Variants in KALRN observed in about 807,000 individuals in gnomAD.
KALRN encodes the protein kalirin.
KALRN carries 70 observed loss-of-function variants against 353.7 expected under a neutral mutation model. The observed-to-expected ratio is 0.20, with a 90% CI of 0.16 to 0.24. The LOEUF (loss-of-function observed/expected upper bound fraction) is 0.24, where lower values mean the gene tolerates loss of function less well. Among genes scored for constraint, KALRN ranks in the 10% least tolerant of loss-of-function variants. The pLI is 1.00. For missense variants in KALRN, 2,791 were observed against 3,756.7 expected, an observed-to-expected ratio of 0.74 and a Z score of 6.72; for synonymous variants, 1,391 against 1,434.8, an observed-to-expected ratio of 0.97 and a Z score of 0.69.
chr3:124,273,944 C>T (rs1160606179), intron 5 of KALRN, among the ~76,000 whole-genome samples: 1 of 152,196 alleles, frequency 6.6e-6, no homozygotes, highest in East Asian at 1.9e-4. Context: ...ATCTGGCCAC[C>T]CCTCCAGTTG....
At chr3:124,524,482 T>C (rs1281529950) in intron 33 of KALRN, among the ~76,000 whole-genome samples, 3 of 152,212 alleles carry the variant, frequency 2.0e-5, no homozygotes, top group Non-Finnish European at 4.4e-5. Context: ...AAGTTTCATA[T>C]TGATGAAAGA....
chr3:124,047,939 G>A (rs972393529), intron 1 of KALRN, among the ~76,000 whole-genome samples: 1 of 152,130 alleles, frequency 6.6e-6, no homozygotes, highest in East Asian at 1.9e-4. Context: ...GAGAGAACCC[G>A]TTTGCTGATA....
intron 38 of KALRN, 147 bp downstream of exon 38, chr3:124,651,085 C>CCTG: frequency 5.2e-6 from 5 of 966,010 alleles, no homozygotes; most frequent in South Asian, 2.0e-5. Context: ...CAGCATAGCA[C>CCTG]TGATAAACAT....
chr3:124,179,841 C>T (rs1236305439), intron 1 of KALRN, among the ~76,000 whole-genome samples: 1 of 152,194 alleles, frequency 6.6e-6, no homozygotes, highest in Non-Finnish European at 1.5e-5. Context: ...TATGGTCTCT[C>T]TTACTCTAAT....
intron 33 of KALRN, among the ~76,000 whole-genome samples, chr3:124,511,466 G>T (rs923137086): frequency 6.6e-6 from 1 of 152,142 alleles, no homozygotes; most frequent in African/African-American, 2.4e-5. Flanking sequence ...TCTTGCTCAA[G>T]TGACTTCCAC....
At chr3:124,047,317 T>C (rs927542634) in intron 1 of KALRN, among the ~76,000 whole-genome samples, 2 of 152,194 alleles carry the variant, frequency 1.3e-5, no homozygotes, top group African/African-American at 2.4e-5. Context: ...TTTATAGTCT[T>C]GTTGAATTAG....
At chr3:124,226,891 T>C (rs1392930378) in intron 1 of KALRN, among the ~76,000 whole-genome samples, 1 of 152,206 alleles carries the variant, frequency 6.6e-6, no homozygotes, top group Admixed American at 6.5e-5. Flanking sequence ...TTCTGCTCTC[T>C]GAGCTGACAT....
At chr3:124,074,890 T>C (rs2060192154) in intron 1 of KALRN, among the ~76,000 whole-genome samples, 2 of 152,240 alleles carry the variant, frequency 1.3e-5, no homozygotes, top group African/African-American at 4.8e-5. Context: ...TGCATTGTTA[T>C]TCAATTTTAA....
At chr3:124,473,414 C>T (rs1207288632) in intron 25 of KALRN, among the ~76,000 whole-genome samples, 9 of 152,198 alleles carry the variant, frequency 5.9e-5, no homozygotes, top group Non-Finnish European at 1.3e-4. Context: ...TCACCCACCA[C>T]TGTCCTCTAT....
At position 124,632,665 on chromosome 3, in the gene KALRN, G is replaced by C; in HGVS notation, c.5428G>C (p.Gly1810Arg). 1.2e-6 allele frequency: 2 copies of C among 1,614,166 alleles called. No individual in the cohort carries two copies. The highest frequency in any genetic ancestry group is 1.7e-6 in the Non-Finnish European group (2 of 1,180,024). ...CTTTGACCTGGGATCTCCCAAGCCT[G>C]GGGATGAAACAACCCCTCAGGGAGA... is the stretch of plus-strand genomic sequence containing the variant. ...KSFDLGSPKP[G>R]DETTPQGDSA... The change falls in exon 35 of 60, where the codon GGG becomes CGG. Residue 1810 changes from glycine (G) to arginine (R), a missense_variant. This residue lies in a region of KALRN where 1,065 missense variants were observed against 1,156.4 expected (regional missense o/e 0.92). Transcript: ENST00000682506.
At chr3:124,562,239 C>T (rs919557150) in intron 33 of KALRN, among the ~76,000 whole-genome samples, 12 of 152,282 alleles carry the variant, frequency 7.9e-5, no homozygotes, top group Admixed American at 1.3e-4. Context: ...TTGTAGTCCT[C>T]GTAGCCTCGA....
chr3:124,385,018 C>CCA lies in KALRN; in HGVS notation c.1954_1955dup (p.Lys653ProfsTer30), dbSNP rs2087992953. 1.2e-6 allele frequency: 2 copies of CCA among 1,605,976 alleles called. No homozygotes were observed. Among genetic ancestry groups the CCA allele is most frequent in the South Asian group, 1.1e-5 (1 of 89,448 alleles). On this transcript the variant is annotated frameshift_variant, in exon 11 of 60. Coordinates refer to ENST00000682506, the MANE Select transcript of KALRN (RefSeq NM_001388419.1). LOFTEE classifies it high-confidence loss of function. ...TTCTCCTGGACATGTCTGTTTCCTT[C>CCA]CACACACACACCAAAGAGGTAAGGG...
rs148702164 is a variant in KALRN at position 124,663,111 on chromosome 3, A to G, written c.6345+1183A>G. 1.6e-3 allele frequency among the ~76,000 whole-genome samples: 244 copies of G among 152,110 alleles called. 3 individuals are homozygous for G. Among genetic ancestry groups the G allele is most frequent in the African/African-American group, 5.8e-3 (239 of 41,490 alleles). ...CAGGCATGTGCCACCACACCTGGCT[A>G]ATTTTTTGTATTTTTAGTAGAGACG... is the stretch of plus-strand genomic sequence containing the variant. On this transcript the variant is annotated intron_variant, in intron 45 of 59. Coordinates refer to ENST00000682506, the MANE Select transcript of KALRN (RefSeq NM_001388419.1).
At chr3:124,491,480 G>A in intron 31 of KALRN, 56 bp downstream of exon 31, 2 of 1,310,912 alleles carry the variant, frequency 1.5e-6, no homozygotes, top group Admixed American at 2.3e-5. Flanking sequence ...AGAAGTGGGG[G>A]TGGGCAAGTG....
At chr3:124,452,612 A>T (rs1226905043) in intron 21 of KALRN, among the ~76,000 whole-genome samples, 1 of 152,182 alleles carries the variant, frequency 6.6e-6, no homozygotes, top group African/African-American at 2.4e-5. Flanking sequence ...AACATTCAAC[A>T]TGGCTGCAGT....
chr3:124,672,497 T>A (rs2086588256), intron 48 of KALRN, among the ~76,000 whole-genome samples: 1 of 152,216 alleles, frequency 6.6e-6, no homozygotes, highest in African/African-American at 2.4e-5. Context: ...CTAATGATGA[T>A]CTGCCTCGAG....
chr3:124,426,112 A>G (rs961626400), intron 15 of KALRN, among the ~76,000 whole-genome samples: 2 of 152,166 alleles, frequency 1.3e-5, no homozygotes, highest in Non-Finnish European at 2.9e-5. Context: ...TGGTTAAGCC[A>G]CCATGCCTCA....
At chr3:124,696,966 G>A (rs946385789) in intron 54 of KALRN, among the ~76,000 whole-genome samples, 5 of 152,014 alleles carry the variant, frequency 3.3e-5, no homozygotes, top group East Asian at 1.9e-4. Flanking sequence ...TGTCGCTCAG[G>A]CTGGAGTGCA....
chr3:124,695,576 C>T (rs1184300993), intron 53 of KALRN, among the ~76,000 whole-genome samples: 2 of 152,110 alleles, frequency 1.3e-5, no homozygotes, highest in Non-Finnish European at 2.9e-5. Context: ...TATTTCAGAG[C>T]AGTTCTCCCC....
Sources: allele counts gnomAD v4.1 joint callset (sites outside exome capture counted in the v4.1 genomes callset), GRCh38; gene constraint gnomAD v4.1.1; regional missense constraint gnomAD v4.1.1; transcripts MANE v1.5; gene names NCBI Gene and HGNC (gene_info 2026-07-23, HGNC 2026-07-21).